The following CCDC110 variants were observed in gnomAD, a reference collection of about 807,000 sequenced individuals.
The protein encoded by CCDC110 is coiled-coil domain containing 110.
In CCDC110, 70 loss-of-function variants were observed where a neutral mutation model predicts 77.1. That is an observed-to-expected ratio of 0.91 (90% CI 0.75 to 1.11). CCDC110 has a LOEUF of 1.11. Among genes scored for constraint, CCDC110 ranks in the 50% least tolerant of loss-of-function variants. The probability of loss-of-function intolerance (pLI) is 0.00; values close to 1 mark genes in which losing one functional copy is unlikely to be tolerated. For synonymous variants in CCDC110, 295 were observed against 312.5 expected (o/e 0.94, Z 0.59); for missense variants, 868 against 942.9 (o/e 0.92, Z 1.04).
intron 4 of CCDC110, 46 bp downstream of exon 4, chr4:185,462,597 A>G (rs1209933646): frequency 1.4e-6 from 2 of 1,431,910 alleles, no homozygotes; most frequent in Non-Finnish European, 2.0e-6. Context: ...AGATGGGATG[A>G]TACTTCAAGG....
Position 185,459,391 on chromosome 4 carries a change from G to C in CCDC110, c.1196C>G (p.Pro399Arg), listed in dbSNP as rs756032514. ...KHEMKDKERQ[P>R]FLVKQGSIIS... ...TATTGATCCTTGTTTTACTAGAAAT[G>C]GTTGTCTTTCTTTGTCTTTCATTTC... The change falls in exon 6 of 7, where the codon CCA (proline) becomes CGA (arginine). Residue 399 changes from proline (P) to arginine (R), a missense_variant. Physicochemically the swap from Pro to Arg is moderately radical, Grantham distance 103. Coordinates refer to ENST00000307588, the MANE Select transcript of CCDC110 (RefSeq NM_152775.4). 1 of 1,611,648 alleles carries C rather than the reference G, an allele frequency of 6.2e-7. No individual in the cohort carries two copies.
Position 185,461,059 on chromosome 4 carries a change from T to A in CCDC110, c.338A>T (p.Glu113Val). 1 of 1,536,968 alleles carries A rather than the reference T, an allele frequency of 6.5e-7. No homozygotes were observed. The highest frequency in any genetic ancestry group is 1.2e-5 in the South Asian group (1 of 81,394). The change falls in exon 5 of 7, where the codon GAA becomes GTA. Residue 113 changes from glutamate (E) to valine (V), a missense_variant. Transcript: ENST00000307588. ...EKNLVFGTRI[E>V]KDLPTENQEE... is the part of the protein sequence containing the mutation. ...TGTAGAATAACATACCAAATCCTTTTCAATGCGCGTGCCAAACACCAGATT... is the reference window on the plus strand; with the variant it reads ...TGTAGAATAACATACCAAATCCTTTACAATGCGCGTGCCAAACACCAGATT...
intron 6 of CCDC110, among the ~76,000 whole-genome samples, chr4:185,455,882 C>T (rs1249299914): frequency 3.1e-5 from 4 of 130,770 alleles, no homozygotes; most frequent in Non-Finnish European, 4.8e-5. Context: ...GAGACTCCAT[C>T]TCAAAAAAAA....
chr4:185,448,673 C>G (rs2095621860), intron 6 of CCDC110, among the ~76,000 whole-genome samples: 1 of 152,056 alleles, frequency 6.6e-6, no homozygotes, highest in Non-Finnish European at 1.5e-5. Context: ...AACCTTTAAC[C>G]TCTGGCAAGC....
In CCDC110 at chr4:185,460,181, A is replaced by C; in HGVS notation, c.406T>G (p.Ser136Ala). ...SMEKSHHFED[S>A]KTLHSVEEKL... ...TCTTCCACTGAATGAAGTGTCTTGG[A>C]ATCCTCAAAATGATGACTTTTCTCC... Residue 136 changes from serine (S) to alanine (A), a missense_variant, in exon 6 of 7, where the codon TCC (serine) becomes GCC (alanine). Physicochemically the swap from Ser to Ala is moderately conservative, Grantham distance 99 (BLOSUM62 1). Coordinates refer to ENST00000307588, the MANE Select transcript of CCDC110 (RefSeq NM_152775.4). The C allele has an allele frequency of 6.2e-7, 1 of 1,610,936 alleles. No homozygotes were observed.
intron 2 of CCDC110, among the ~76,000 whole-genome samples, chr4:185,467,128 G>A (rs888947796): frequency 3.3e-5 from 5 of 152,112 alleles, no homozygotes; most frequent in Admixed American, 3.3e-4. Context: ...ATTTGAAGAA[G>A]AATTTTCTGT....
At position 185,458,124 on chromosome 4, in the gene CCDC110, A is replaced by T; in HGVS notation, c.2461+2T>A. 6.5e-7 allele frequency: 1 copy of T among 1,539,044 alleles called. No homozygotes were observed. The highest frequency in any genetic ancestry group is 8.7e-7 in the Non-Finnish European group (1 of 1,151,428). On this transcript the variant is annotated splice_donor_variant, in intron 6 of 6. Coordinates refer to ENST00000307588, the MANE Select transcript of CCDC110 (RefSeq NM_152775.4). LOFTEE classifies it high-confidence loss of function. ...TCTACTAATCTACCAGGACTTGCGT[A>T]CCTTTCAAATCCGAAGCCAAAGGCC...
At position 185,459,949 on chromosome 4, in the gene CCDC110, G is replaced by T. The variant is rs146006186; in HGVS notation, c.638C>A (p.Ser213Tyr). Residue 213 changes from serine (S) to tyrosine (Y), a missense_variant, in exon 6 of 7, where the codon TCT becomes TAT. By Grantham distance (144) the Ser-to-Tyr change is moderately radical. Transcript: ENST00000307588. ...ATCCAGAATTACTGTATCAGCTTGA[G>T]ACATCACATTTGGAGGTGCAGTAGG... ...FLPTAPPNVM[S>Y]QADTVILDKS... 1.9e-6 allele frequency: 3 copies of T among 1,613,734 alleles called. No individual in the cohort carries two copies. In the African/African-American group the frequency reaches 4.0e-5, roughly 22 times the overall value.
chr4:185,463,075 G>A (rs1490198382), intron 2 of CCDC110, 26 bp from the exon 3 acceptor site: 62 of 1,583,652 alleles, frequency 3.9e-5, no homozygotes, highest in Middle Eastern at 1.7e-4. Context: ...GAAAAACCAT[G>A]TGACTTAATT....
intron 2 of CCDC110, among the ~76,000 whole-genome samples, chr4:185,463,505 C>T (rs540783636): frequency 3.3e-5 from 5 of 152,318 alleles, no homozygotes; most frequent in Non-Finnish European, 5.9e-5. Flanking sequence ...AAGCACAGTA[C>T]GCACTTGTGG....
Position 185,471,655 on chromosome 4 carries a change from C to A in CCDC110, c.10+19G>T, listed in dbSNP as rs762039245. On this transcript the variant is annotated intron_variant, in intron 1 of 6. Transcript: ENST00000307588. ...GTTCCCGCGGCTCCCCTAGGAGCCCCGCCCCGTCCAACTCTTACCCGGGCT... is the reference window on the plus strand; with the variant it reads ...GTTCCCGCGGCTCCCCTAGGAGCCCAGCCCCGTCCAACTCTTACCCGGGCT... 1.9e-6 allele frequency: 3 copies of A among 1,563,500 alleles called. No homozygotes were observed. Among genetic ancestry groups the A allele is most frequent in the Non-Finnish European group, 2.6e-6 (3 of 1,158,928 alleles).
Position 185,458,874 on chromosome 4 carries a change from C to A in CCDC110, c.1713G>T (p.Met571Ile). 6.2e-7 allele frequency: 1 copy of A among 1,604,524 alleles called. No homozygotes were observed. The highest frequency in any genetic ancestry group is 1.1e-5 in the South Asian group (1 of 88,048). The change falls in exon 6 of 7, where the codon ATG (methionine) becomes ATT (isoleucine). Residue 571 changes from methionine to isoleucine, a missense_variant. Transcript: ENST00000307588. ...ACAGAATATTGGTTTTCATTGCTTC[C>A]ATTTCTATACTCATTCGATTATTTT... is the stretch of plus-strand genomic sequence containing the variant. ...NNENNRMSIE[M>I]EAMKTNILLI...
chr4:185,465,828 C>A (rs975545585), intron 2 of CCDC110, among the ~76,000 whole-genome samples: 18 of 152,088 alleles, frequency 1.2e-4, no homozygotes, highest in Non-Finnish European at 2.1e-4. Flanking sequence ...ATGAAGCCAG[C>A]AGCATTGCTG....
intron 2 of CCDC110, among the ~76,000 whole-genome samples, chr4:185,466,660 C>T (rs1296704108): frequency 2.0e-5 from 3 of 152,016 alleles, no homozygotes; most frequent in African/African-American, 7.2e-5. Context: ...GCCTCCACCT[C>T]CAAGGCTCAA....
chr4:185,457,918 T>A, intron 6 of CCDC110: 1 of 662,696 alleles, frequency 1.5e-6, no homozygotes, highest in Non-Finnish European at 2.3e-6. Context: ...TTTGTACACA[T>A]ACAATGCACA....
At chr4:185,464,379 G>C (rs1027691152) in intron 2 of CCDC110, among the ~76,000 whole-genome samples, 1 of 152,124 alleles carries the variant, frequency 6.6e-6, no homozygotes, top group Non-Finnish European at 1.5e-5. Context: ...GGGAGAGCGA[G>C]TCTGTCTGGA....
At chr4:185,460,344 T>C in intron 5 of CCDC110, 106 bp from the exon 6 acceptor site, 1 of 745,222 alleles carries the variant, frequency 1.3e-6, no homozygotes, top group Non-Finnish European at 2.1e-6. Context: ...TAAACAAGCA[T>C]TTTATCCATT....
chr4:185,461,142 A>G lies in CCDC110; in HGVS notation c.255T>C (p.Ser85=). Residue 85 remains serine (S), a synonymous_variant, in exon 5 of 7, where the codon AGT becomes AGC. Transcript: ENST00000307588. ...QNVSMVQSEI[S]EILNKSIIEV... ...CAATAATACTTTTGTTCAATATTTCACTGATTTCCGACTGTACCTTTAAAA... is the reference window on the plus strand; with the variant it reads ...CAATAATACTTTTGTTCAATATTTCGCTGATTTCCGACTGTACCTTTAAAA... The G allele has an allele frequency of 6.4e-7, 1 of 1,570,310 alleles. No homozygotes were observed. Among genetic ancestry groups the G allele is most frequent in the Non-Finnish European group, 8.7e-7 (1 of 1,151,788 alleles).
At chr4:185,470,374 C>T (rs561802796) in intron 2 of CCDC110, among the ~76,000 whole-genome samples, 2 of 152,200 alleles carry the variant, frequency 1.3e-5, no homozygotes, top group South Asian at 4.1e-4. Flanking sequence ...CTTGTAATAC[C>T]TTATACAATG....
Sources: gnomAD v4.1 joint callset for allele counts (sites outside exome capture counted in the v4.1 genomes callset) on GRCh38, gnomAD v4.1.1 for gene constraint, MANE v1.5 for transcripts, NCBI Gene and HGNC (gene_info 2026-07-23, HGNC 2026-07-21) for gene names.